Variants in ZFP69 observed in about 807,000 individuals in gnomAD.
ZFP69 encodes the protein ZFP69 zinc finger protein.
Under a neutral mutation model 48.9 loss-of-function variants are expected in ZFP69, and 35 were observed. The ratio of observed to expected loss-of-function variants is 0.72; its 90% confidence interval spans 0.55 to 0.95. The LOEUF is 0.95. Ranked by LOEUF, ZFP69 falls within the 40% of genes least tolerant of loss-of-function variation. ZFP69 has a pLI of 0.00. For missense variants in ZFP69, 557 were observed against 638.4 expected (o/e 0.87, Z 1.37); for synonymous variants, 193 against 216.8 (o/e 0.89, Z 0.96).
chr1:40,481,764 T>C lies in ZFP69; in HGVS notation c.129T>C (p.Ala43=). 1 of 1,605,980 alleles carries C rather than the reference T, an allele frequency of 6.2e-7. No homozygotes were observed. Among genetic ancestry groups the C allele is most frequent in the South Asian group, 1.1e-5 (1 of 90,108 alleles). The change falls in exon 3 of 6, where the codon GCT becomes GCC. Residue 43 remains alanine, a splice_region_variant and synonymous_variant. Coordinates refer to ENST00000372706, the MANE Select transcript of ZFP69 (RefSeq NM_001320179.2). The stretch of plus-strand genomic sequence containing the variant: ...CTCATGGCTCTTTTCCTTCCCCAGC[T>C]CTGCTGTCTCAGGATGCTGAGGACG... ...EDVTKMFEGE[A]LLSQDAEDVK...
chr1:40,487,244 G>A (rs1457533516), intron 3 of ZFP69, among the ~76,000 whole-genome samples: 4 of 152,108 alleles, frequency 2.6e-5, no homozygotes, highest in South Asian at 2.1e-4. Context: ...CTTGAGCAGC[G>A]CAGGTTTGAA....
intron 2 of ZFP69, 83 bp downstream of exon 2, chr1:40,479,571 G>C: frequency 6.9e-7 from 1 of 1,448,330 alleles, no homozygotes; most frequent in Non-Finnish European, 9.2e-7. Context: ...GAAGTGGAGA[G>C]AAGGAGGGAG....
intron 3 of ZFP69, among the ~76,000 whole-genome samples, chr1:40,482,338 A>G (rs1050403858): frequency 2.0e-5 from 3 of 152,164 alleles, no homozygotes; most frequent in Non-Finnish European, 2.9e-5. Context: ...GAAAAGAAAT[A>G]GGCCACACAG....
chr1:40,486,408 T>TC (rs1645497767), intron 3 of ZFP69, among the ~76,000 whole-genome samples: 1 of 140,442 alleles, frequency 7.1e-6, no homozygotes, highest in African/African-American at 2.7e-5. Context: ...CTCCCTCCTT[T>TC]CCTCCCTCCC....
intron 3 of ZFP69, among the ~76,000 whole-genome samples, chr1:40,487,223 T>TACA (rs1570029095): frequency 6.6e-6 from 1 of 152,160 alleles, no homozygotes; most frequent in Admixed American, 6.5e-5. Flanking sequence ...GCGCCCGGCC[T>TACA]ACAGTTGATT....
At chr1:40,489,266 A>G (rs752264351) in intron 4 of ZFP69, 52 bp downstream of exon 4, 13 of 1,583,354 alleles carry the variant, frequency 8.2e-6, no homozygotes, top group Non-Finnish European at 1.1e-5. Flanking sequence ...CAGGAGAGTC[A>G]TTATTTTAAA....
intron 2 of ZFP69, among the ~76,000 whole-genome samples, chr1:40,479,947 C>T (rs1645427456): frequency 6.6e-6 from 1 of 152,158 alleles, no homozygotes; most frequent in African/African-American, 2.4e-5. Context: ...TTACCTTGAA[C>T]TGTGGGAGAG....
chr1:40,479,587 G>T, intron 2 of ZFP69, 99 bp downstream of exon 2: 1 of 988,386 alleles, frequency 1.0e-6, no homozygotes, highest in Admixed American at 3.1e-5. Context: ...GGGAGAGAAG[G>T]TCTCTGGGGG....
At position 40,495,056 on chromosome 1, in the gene ZFP69, C is replaced by T; in HGVS notation, c.578C>T (p.Thr193Ile). Residue 193 changes from threonine to isoleucine, a missense_variant, in exon 6 of 6, where the codon ACA becomes ATA. Transcript: ENST00000372706. ...IIYSTLRKVSTYDDVLERHQE... is the reference protein window; with the variant it reads ...IIYSTLRKVSIYDDVLERHQE... ...TATTCCACGTTGAGAAAAGTCTCCA[C>T]ATATGATGATGTCTTAGAAAGGCAC... is the stretch of plus-strand genomic sequence containing the variant. The T allele has an allele frequency of 1.9e-6, 3 of 1,614,010 alleles. No homozygotes were observed. Among genetic ancestry groups the T allele is most frequent in the Non-Finnish European group, 2.5e-6 (3 of 1,180,008 alleles).
intron 5 of ZFP69, among the ~76,000 whole-genome samples, chr1:40,492,814 T>C (rs1376715727): frequency 6.6e-6 from 1 of 152,248 alleles, no homozygotes; most frequent in Non-Finnish European, 1.5e-5. Flanking sequence ...GTACATATTG[T>C]ACATTTTTTG....
chr1:40,478,255 C>G (rs1386959764), intron 1 of ZFP69, among the ~76,000 whole-genome samples: 1 of 152,126 alleles, frequency 6.6e-6, no homozygotes, highest in Non-Finnish European at 1.5e-5. Context: ...TACTTTGGAC[C>G]TGGTCACGGT....
At position 40,489,866 on chromosome 1, in the gene ZFP69, CTTTTTTTTTTTTT is replaced by C. The variant is rs374820239; in HGVS notation, c.442+252_442+264del. 2.9e-3 allele frequency among the ~76,000 whole-genome samples: 339 copies of C among 115,438 alleles called. 3 individuals carry two copies. Among genetic ancestry groups the C allele is most frequent in the African/African-American group, 0.011 (323 of 29,086 alleles). 75.7% of individuals were successfully genotyped at this position (115,438 alleles called of 152,430 possible). On this transcript the variant is annotated intron_variant, in intron 5 of 5. Transcript: ENST00000372706. ...GAGGTGCCAGGCTCTTTTTCTTTTTCTTTTTTTTTTTTTTTTTTTTTTGAGACAGAGTCTCGCA... is the reference window on the plus strand; with the variant it reads ...GAGGTGCCAGGCTCTTTTTCTTTTTCTTTTTTTTTGAGACAGAGTCTCGCA...
chr1:40,494,255 AATTTTTTTTTTTT>A (rs1408732045), intron 5 of ZFP69, among the ~76,000 whole-genome samples: 4 of 123,878 alleles, frequency 3.2e-5, no homozygotes, highest in African/African-American at 9.5e-5. Flanking sequence ...AAAGATTCAA[AATTTTTTTTTTTT>A]TTTTTTTTTT....
chr1:40,481,914 C>T (rs1372707312), intron 3 of ZFP69, 60 bp downstream of exon 3: 7 of 1,366,338 alleles, frequency 5.1e-6, no homozygotes, highest in South Asian at 5.0e-5. Context: ...GGGTATATAA[C>T]CTGTCTTTTT....
intron 3 of ZFP69, among the ~76,000 whole-genome samples, chr1:40,488,464 T>G (rs1363469944): frequency 6.6e-6 from 1 of 152,186 alleles, no homozygotes; most frequent in Non-Finnish European, 1.5e-5. Flanking sequence ...GAATTCAAGT[T>G]CAGTAAGAAT....
chr1:40,491,106 A>G (rs1048044926), intron 5 of ZFP69: 1 of 152,244 alleles, frequency 6.6e-6, no homozygotes, highest in Non-Finnish European at 1.5e-5. Flanking sequence ...TAAACAATAT[A>G]TAGCATTGTT....
Position 40,479,288 on chromosome 1 carries a change from A to G in ZFP69, c.-74A>G. The G allele has an allele frequency of 5.0e-6, 8 of 1,600,720 alleles. No individual in the cohort carries two copies. The highest frequency in any genetic ancestry group is 6.8e-6 in the Non-Finnish European group (8 of 1,172,328). On this transcript the variant is annotated 5_prime_UTR_variant, in exon 2 of 6. Coordinates refer to ENST00000372706, the MANE Select transcript of ZFP69 (RefSeq NM_001320179.2). ...ATTGGAATCTGAGCAACACCCCACA[A>G]CTGTGAAGCGTCTCATCAAGAGCTT...
intron 1 of ZFP69, among the ~76,000 whole-genome samples, chr1:40,478,508 T>TA (rs1445045544): frequency 3.3e-5 from 5 of 152,222 alleles, no homozygotes; most frequent in African/African-American, 1.2e-4. Context: ...TGCTTGTTCA[T>TA]GCCAAAATGC....
At chr1:40,478,511 CA>C (rs1162638112) in intron 1 of ZFP69, among the ~76,000 whole-genome samples, 5 of 152,096 alleles carry the variant, frequency 3.3e-5, no homozygotes, top group African/African-American at 1.2e-4. Flanking sequence ...TTGTTCATGC[CA>C]AAATGCAGCT....
Sources: allele counts gnomAD v4.1 joint callset (sites outside exome capture counted in the v4.1 genomes callset), GRCh38; gene constraint gnomAD v4.1.1; transcripts MANE v1.5; gene names NCBI Gene and HGNC (gene_info 2026-07-23, HGNC 2026-07-21).